The following MAX variants were observed in gnomAD, a reference collection of about 807,000 sequenced individuals.
MAX encodes protein max.
MAX carries 3 observed loss-of-function variants against 22.3 expected under a neutral mutation model. That is an observed-to-expected ratio of 0.13 (90% CI 0.06 to 0.35). The LOEUF (loss-of-function observed/expected upper bound fraction) is 0.35, where lower values mean the gene tolerates loss of function less well. MAX is among the 10% of genes least tolerant of loss of function. MAX has a pLI of 1.00. For missense variants in MAX, 119 were observed against 209.4 expected, an observed-to-expected ratio of 0.57 and a Z score of 2.66; for synonymous variants, 72 against 77.7, an observed-to-expected ratio of 0.93 and a Z score of 0.39.
Position 65,093,502 on chromosome 14 carries a change from C to T in MAX, c.171+206G>A, listed in dbSNP as rs749485011. On this transcript the variant is annotated intron_variant, in intron 3 of 4. Transcript: ENST00000358664. The surrounding 1 kb of genome is among the most constrained non-coding windows in gnomAD (Gnocchi z 4.4). ...ACTCCTACCATTATCTCACAAATAG[C>T]TCCATTATATCTGACATATTTTGTT... The T allele has an allele frequency of 2.4e-5, 14 of 589,604 alleles. No individual in the cohort carries two copies. Among genetic ancestry groups the T allele is most frequent in the Non-Finnish European group, 3.9e-5 (13 of 329,126 alleles). The allele number at this position is 589,604 out of a possible 1,614,324, so 36.5% of individuals were successfully genotyped here.
chr14:65,035,189 G>C (rs778710274), intron 3 of MAX, among the ~76,000 whole-genome samples: 3 of 152,144 alleles, frequency 2.0e-5, no homozygotes, highest in Non-Finnish European at 4.4e-5. Flanking sequence ...TTGGCTGCCC[G>C]CCCTGACCCC....
Position 65,079,038 on chromosome 14 carries a change from T to C in MAX, c.172-1002A>G, listed in dbSNP as rs1446353432. ...ACTCCTCCCATCTCCTCTGGTTCTT[T>C]AGGTTGCTTTAAAGTCTTTAGCTTG... On this transcript the variant is annotated intron_variant, in intron 3 of 4. Coordinates refer to ENST00000358664, the MANE Select transcript of MAX (RefSeq NM_002382.5). The surrounding 1 kb of genome is among the most constrained non-coding windows in gnomAD (Gnocchi z 4.5). 6.6e-6 allele frequency among the ~76,000 whole-genome samples: 1 copy of C among 152,208 alleles called. No individual in the cohort carries two copies. The highest frequency in any genetic ancestry group is 2.4e-5 in the African/African-American group (1 of 41,448).
chr14:65,067,940 A>T (rs1276835756), intron 3 of MAX, among the ~76,000 whole-genome samples: 1 of 151,926 alleles, frequency 6.6e-6, no homozygotes, highest in Admixed American at 6.6e-5. Flanking sequence ...GACCATGCGT[A>T]ACAGTTTTTT....
chr14:65,084,229 G>C lies in MAX; in HGVS notation c.172-6193C>G. 1 of 1,613,950 alleles carries C rather than the reference G, an allele frequency of 6.2e-7. No individual in the cohort carries two copies. The highest frequency in any genetic ancestry group is 2.2e-5 in the East Asian group (1 of 44,902). On this transcript the variant is annotated intron_variant, in intron 3 of 4. Transcript: ENST00000358664. The surrounding 1 kb of genome is among the most constrained non-coding windows in gnomAD (Gnocchi z 4.3). ...GTGCACTTGGTAGCTTGAAATGAAGGTGTGGCATTTCTGCATCAAACTTTG... is the reference window on the plus strand; with the variant it reads ...GTGCACTTGGTAGCTTGAAATGAAGCTGTGGCATTTCTGCATCAAACTTTG...
At chr14:65,063,500 A>G (rs1368790994) in intron 3 of MAX, among the ~76,000 whole-genome samples, 2 of 152,172 alleles carry the variant, frequency 1.3e-5, no homozygotes, top group Admixed American at 6.5e-5. Flanking sequence ...TTACACTGGC[A>G]TATCCATGAG....
intron 3 of MAX, among the ~76,000 whole-genome samples, chr14:65,026,913 C>T (rs957017240): frequency 6.6e-6 from 1 of 151,870 alleles, no homozygotes; most frequent in Non-Finnish European, 1.5e-5. Flanking sequence ...GAGTAGAAAT[C>T]AGTGGCCCAC....
rs779217722 is a variant in MAX, at chr14:65,027,722, C to T, written c.172-21438G>A. 42 of 1,614,084 alleles carry T rather than the reference C, an allele frequency of 2.6e-5. No homozygotes were observed. The highest frequency in any genetic ancestry group is 3.3e-4 in the Middle Eastern group (2 of 6,084). On this transcript the variant is annotated intron_variant, in intron 3 of 3. Transcript: ENST00000341653. The surrounding 1 kb of genome is among the most constrained non-coding windows in gnomAD (Gnocchi z 5.7). ...GAGAGAAGCTTCTTCAGTATTTGTA[C>T]TCCCTGAAGCAACCTGACGGCTCCT...
In MAX at chr14:65,012,880, T is replaced by G. The variant is rs2139513818; in HGVS notation, c.172-6596A>C. Among the ~76,000 whole-genome samples the G allele has an allele frequency of 6.6e-6, 1 of 152,354 alleles. No individual in the cohort carries two copies. Among genetic ancestry groups the G allele is most frequent in the African/African-American group, 2.4e-5 (1 of 41,594 alleles). On this transcript the variant is annotated intron_variant, in intron 3 of 3. Coordinates refer to the MAX transcript ENST00000341653. This position sits in a 1 kb window ranked among gnomAD's most constrained non-coding sequence, Gnocchi z 5.0. ...TAAAGAGACAAAAAACCCTTTCTTGTAATAAGATCTAATTTCTATACTGAC... is the reference window on the plus strand; with the variant it reads ...TAAAGAGACAAAAAACCCTTTCTTGGAATAAGATCTAATTTCTATACTGAC...
intron 3 of MAX, among the ~76,000 whole-genome samples, chr14:65,091,533 C>T (rs1387124404): frequency 6.6e-6 from 1 of 152,168 alleles, no homozygotes; most frequent in African/African-American, 2.4e-5. Context: ...TGCCACCATC[C>T]CTTCACTCAT....
intron 3 of MAX, among the ~76,000 whole-genome samples, chr14:65,050,497 A>G (rs140004454): frequency 0.021 from 3,142 of 152,298 alleles, 66 homozygotes; most frequent in African/African-American, 0.051. Context: ...AGGCTGAGAC[A>G]GGAGAATGAC....
intron 1 of MAX, 149 bp downstream of exon 1, chr14:65,102,154 CG>C: frequency 7.0e-7 from 1 of 1,434,456 alleles, no homozygotes. Flanking sequence ...GGGAGCGAAC[CG>C]GGAACGCGAC....
rs2063808963 is a variant in MAX at position 65,100,771 on chromosome 14, T to C, written c.63+775A>G. On this transcript the variant is annotated intron_variant, in intron 2 of 4. Transcript: ENST00000358664. ...TTCCCTCAAATCTATTCATGAAACA[T>C]CCATATTACTGTCTCAGACTCCAAA... Among the ~76,000 whole-genome samples, 3 of 152,218 alleles carry C rather than the reference T, an allele frequency of 2.0e-5. No homozygotes were observed. The South Asian group carries it at 6.2e-4, about 31-fold the overall frequency.
Position 65,027,655 on chromosome 14 carries a change from C to A in MAX, c.172-21371G>T. On this transcript the variant is annotated intron_variant, in intron 3 of 3. Transcript: ENST00000341653. The surrounding 1 kb of genome is among the most constrained non-coding windows in gnomAD (Gnocchi z 5.7). ...TAGAGGAGTTCCCCGCCTGCTGACA[C>A]GCACTGACTGTTGCCTCTCCTACCT... The A allele has an allele frequency of 6.2e-7, 1 of 1,614,134 alleles. No homozygotes were observed. Among genetic ancestry groups the A allele is most frequent in the Non-Finnish European group, 8.5e-7 (1 of 1,179,974 alleles).
Position 65,075,571 on chromosome 14 carries a change from T to C in MAX, c.*905A>G. On this transcript the variant is annotated 3_prime_UTR_variant, in exon 5 of 5. Coordinates refer to ENST00000358664, the MANE Select transcript of MAX (RefSeq NM_002382.5). This position sits in a 1 kb window ranked among gnomAD's most constrained non-coding sequence, Gnocchi z 4.1. Reference sequence around the variant, plus strand: ...AGATTTCATCATTACTTTATGAATCTGTCGCTTTGCAAGACCGACATCATC... The same window carrying C: ...AGATTTCATCATTACTTTATGAATCCGTCGCTTTGCAAGACCGACATCATC... 1 of 1,066,178 alleles carries C rather than the reference T, an allele frequency of 9.4e-7. No homozygotes were observed. Among genetic ancestry groups the C allele is most frequent in the Non-Finnish European group, 1.1e-6 (1 of 879,584 alleles). The allele number at this position is 1,066,178 out of a possible 1,614,324, so 66.0% of individuals were successfully genotyped here.
chr14:65,018,809 TAAAAA>T (rs34066098), intron 3 of MAX, among the ~76,000 whole-genome samples: 2 of 108,434 alleles, frequency 1.8e-5, no homozygotes, highest in African/African-American at 3.6e-5. Context: ...GACTCTGTCT[TAAAAA>T]AAAAAAAAAA....
chr14:65,064,946 A>C (rs1277258780), intron 3 of MAX, among the ~76,000 whole-genome samples: 1 of 152,248 alleles, frequency 6.6e-6, no homozygotes, highest in Non-Finnish European at 1.5e-5. Flanking sequence ...TCCTACCTCC[A>C]GGCCCAGGCC....
Position 65,012,341 on chromosome 14 carries a change from C to T in MAX, c.172-6057G>A, listed in dbSNP as rs932856010. The T allele has an allele frequency of 1.2e-6, 2 of 1,614,180 alleles. No homozygotes were observed. Among genetic ancestry groups the T allele is most frequent in the South Asian group, 2.2e-5 (2 of 91,090 alleles). On this transcript the variant is annotated intron_variant, in intron 3 of 3. Coordinates refer to the MAX transcript ENST00000341653. This position sits in a 1 kb window ranked among gnomAD's most constrained non-coding sequence, Gnocchi z 5.0. ...GGCTTGTTTTGCAGAGGGAGAAGCA[C>T]TTCCATTATCTGAAAAGAGGCCTTC... is the stretch of plus-strand genomic sequence containing the variant.
chr14:65,085,083 TGTTAA>T (rs59662991), intron 3 of MAX, among the ~76,000 whole-genome samples: 16,005 of 152,134 alleles, frequency 0.11, 2,127 homozygotes, highest in African/African-American at 0.32. Context: ...TGAGATGTGC[TGTTAA>T]GTTGAATTTA....
chr14:65,042,732 G>A (rs1248653258), intron 3 of MAX, among the ~76,000 whole-genome samples: 1 of 152,190 alleles, frequency 6.6e-6, no homozygotes, highest in Non-Finnish European at 1.5e-5. Flanking sequence ...CATGGGCTTA[G>A]GCACTGGAAA....
Sources: allele counts gnomAD v4.1 joint callset (sites outside exome capture counted in the v4.1 genomes callset), GRCh38; gene constraint gnomAD v4.1.1; non-coding constraint Gnocchi (gnomAD v3.1); transcripts MANE v1.5; gene names NCBI Gene and HGNC (gene_info 2026-07-23, HGNC 2026-07-21).